The following CANX variants were observed in gnomAD, a reference collection of about 807,000 sequenced individuals.
CANX encodes the protein calnexin.
A neutral mutation model predicts 75.7 loss-of-function variants in CANX; 14 were observed. The ratio of observed to expected loss-of-function variants is 0.19; its 90% CI spans 0.12 to 0.29. The LOEUF (loss-of-function observed/expected upper bound fraction) is 0.29. Ranked by LOEUF, CANX falls within the 10% of genes least tolerant of loss-of-function variation. CANX has a pLI of 1.00. For synonymous variants in CANX, 227 were observed against 236.9 expected (o/e 0.96, Z 0.38); for missense variants, 567 against 713.2 (o/e 0.79, Z 2.34).
Position 179,708,240 on chromosome 5 carries a change from A to G in CANX, c.306A>G (p.Gly102=). The change falls in exon 5 of 15, where the codon GGA becomes GGG. Residue 102 remains glycine (G), a splice_region_variant and synonymous_variant. Transcript: ENST00000247461. Reference sequence around the variant, plus strand: ...GAACTTTTTTGTGTTGTCTTGTAGGAAAGTGGGAGGTAGAGGAAATGAAGG... The same window carrying G: ...GAACTTTTTTGTGTTGTCTTGTAGGGAAGTGGGAGGTAGAGGAAATGAAGG... ...DTDDEIAKYD[G]KWEVEEMKES... 1 of 1,613,432 alleles carries G rather than the reference A, an allele frequency of 6.2e-7. No homozygotes were observed. Among genetic ancestry groups the G allele is most frequent in the Non-Finnish European group, 8.5e-7 (1 of 1,179,530 alleles).
chr5:179,728,492 CAAAT>C (rs1170685689), intron 14 of CANX, 95 bp from the exon 15 acceptor site: 30 of 713,230 alleles, frequency 4.2e-5, no homozygotes, highest in Non-Finnish European at 5.4e-5. Context: ...TTTTTTTCCT[CAAAT>C]AAGTTACCCT....
chr5:179,686,846 C>G (rs1203703436), intron 1 of CANX, among the ~76,000 whole-genome samples: 1 of 152,142 alleles, frequency 6.6e-6, no homozygotes, highest in African/African-American at 2.4e-5. Context: ...TGCACAGTCT[C>G]GGCCCACTGC....
intron 14 of CANX, among the ~76,000 whole-genome samples, chr5:179,727,411 G>A (rs916341280): frequency 2.0e-5 from 3 of 152,204 alleles, no homozygotes; most frequent in African/African-American, 7.2e-5. Context: ...AGATGACATC[G>A]AACCAAACAC....
intron 12 of CANX, among the ~76,000 whole-genome samples, chr5:179,724,138 T>C (rs1360464336): frequency 6.6e-6 from 1 of 152,182 alleles, no homozygotes; most frequent in Non-Finnish European, 1.5e-5. Flanking sequence ...TGTAATTCAG[T>C]CTTTGATTCC....
chr5:179,702,969 G>A (rs567271617), intron 1 of CANX, among the ~76,000 whole-genome samples: 1 of 151,986 alleles, frequency 6.6e-6, no homozygotes, highest in Non-Finnish European at 1.5e-5. Context: ...GGGTTTCTCC[G>A]TGGTGGTCAG....
chr5:179,681,496 C>T (rs1265100909), intron 1 of CANX, among the ~76,000 whole-genome samples: 2 of 152,150 alleles, frequency 1.3e-5, no homozygotes, highest in Non-Finnish European at 2.9e-5. Flanking sequence ...AGAGTGTGGT[C>T]TCACGTGGAG....
intron 1 of CANX, among the ~76,000 whole-genome samples, chr5:179,683,303 ATTTTTT>A (rs1200735850): frequency 1.4e-5 from 2 of 143,228 alleles, no homozygotes; most frequent in Admixed American, 1.4e-4. Flanking sequence ...AATTTTTTGT[ATTTTTT>A]TTTTTAGTAG....
chr5:179,684,928 T>A (rs1375202777), intron 1 of CANX, among the ~76,000 whole-genome samples: 4 of 26,716 alleles, frequency 1.5e-4, no homozygotes, highest in Non-Finnish European at 3.1e-4. Context: ...AATTTTGTAT[T>A]TTTTTTTTTT....
At chr5:179,722,603 G>A (rs1288938515) in intron 10 of CANX, among the ~76,000 whole-genome samples, 1 of 152,216 alleles carries the variant, frequency 6.6e-6, no homozygotes, top group East Asian at 1.9e-4. Context: ...ATTGGAAGTA[G>A]TTGGAATCCT....
chr5:179,723,825 A>G (rs1480011663), intron 12 of CANX, 46 bp downstream of exon 12: 1 of 1,516,020 alleles, frequency 6.6e-7, no homozygotes, highest in Non-Finnish European at 9.0e-7. Flanking sequence ...ACATCACTCT[A>G]GTGATTATTA....
intron 13 of CANX, 106 bp downstream of exon 13, chr5:179,724,889 A>G: frequency 7.0e-7 from 1 of 1,429,720 alleles, no homozygotes; most frequent in Non-Finnish European, 9.3e-7. Flanking sequence ...TGGTGGCTCA[A>G]GCCTGTAATC....
chr5:179,680,234 C>T (rs1776027292), intron 1 of CANX, among the ~76,000 whole-genome samples: 3 of 152,036 alleles, frequency 2.0e-5, no homozygotes, highest in Admixed American at 1.3e-4. Flanking sequence ...CAGGCAGGCT[C>T]GGAAGCTTAG....
intron 7 of CANX, among the ~76,000 whole-genome samples, chr5:179,712,247 G>C (rs145765839): frequency 8.0e-4 from 120 of 150,034 alleles, no homozygotes; most frequent in Admixed American, 1.7e-3. Flanking sequence ...AATAAAAATA[G>C]TTTTTCAGAA....
At chr5:179,685,790 G>A (rs1411023296) in intron 1 of CANX, among the ~76,000 whole-genome samples, 1 of 151,762 alleles carries the variant, frequency 6.6e-6, no homozygotes, top group African/African-American at 2.4e-5. Context: ...CCAGACTTCA[G>A]GTGATCCACC....
intron 1 of CANX, among the ~76,000 whole-genome samples, chr5:179,699,354 C>T (rs1295677948): frequency 3.3e-5 from 5 of 152,174 alleles, no homozygotes; most frequent in African/African-American, 4.8e-5. Context: ...CCTTCTTTGA[C>T]CTCTGGGAAA....
chr5:179,697,169 T>C (rs1390419838), upstream of CANX, among the ~76,000 whole-genome samples: 1 of 152,128 alleles, frequency 6.6e-6, no homozygotes, highest in Non-Finnish European at 1.5e-5. Context: ...TCAAGGATAC[T>C]CCTGCCTCAG....
intron 13 of CANX, among the ~76,000 whole-genome samples, chr5:179,725,351 C>T (rs1256591144): frequency 2.0e-5 from 3 of 151,736 alleles, no homozygotes; most frequent in Non-Finnish European, 4.4e-5. Context: ...GGATTACAGG[C>T]GTGAGCCACC....
At chr5:179,707,509 G>A (rs745563294) in intron 4 of CANX, among the ~76,000 whole-genome samples, 39 of 151,468 alleles carry the variant, frequency 2.6e-4, no homozygotes, top group African/African-American at 7.3e-4. Flanking sequence ...GTGTGAACCC[G>A]GGAGGCCAAG....
chr5:179,701,836 T>C (rs1043036762), intron 1 of CANX, among the ~76,000 whole-genome samples: 5 of 133,020 alleles, frequency 3.8e-5, no homozygotes, highest in Non-Finnish European at 6.2e-5. Context: ...GCCTCCTGGG[T>C]TCAAGCAATT....
Sources: gnomAD v4.1 joint callset for allele counts (sites outside exome capture counted in the v4.1 genomes callset) on GRCh38, gnomAD v4.1.1 for gene constraint, MANE v1.5 for transcripts, NCBI Gene and HGNC (gene_info 2026-07-23, HGNC 2026-07-21) for gene names.